Variants in ARHGAP10 observed in about 807,000 individuals in gnomAD.
ARHGAP10 encodes the protein rho GTPase-activating protein 10.
A neutral mutation model predicts 108.6 loss-of-function variants in ARHGAP10; 87 were observed. That is an observed-to-expected ratio of 0.80 (90% confidence interval 0.67 to 0.96). The LOEUF (loss-of-function observed/expected upper bound fraction) is 0.96. ARHGAP10 is among the 40% of genes least tolerant of loss of function. ARHGAP10 has a pLI of 0.00. For synonymous variants in ARHGAP10, 347 were observed against 341.1 expected (o/e 1.02, Z -0.19); for missense variants, 939 against 954.5 (o/e 0.98, Z 0.21).
chr4:148,019,703 C>T (rs1434215483), intron 18 of ARHGAP10, among the ~76,000 whole-genome samples: 3 of 151,304 alleles, frequency 2.0e-5, no homozygotes, highest in Middle Eastern at 3.4e-3. Flanking sequence ...TTAGCCAAGC[C>T]GAGCTGAGCC....
intron 22 of ARHGAP10, among the ~76,000 whole-genome samples, chr4:148,070,165 T>C (rs1212252566): frequency 6.6e-6 from 1 of 152,158 alleles, no homozygotes; most frequent in Non-Finnish European, 1.5e-5. Context: ...GTCTCTCCTA[T>C]ATATACACGT....
chr4:148,058,328 C>T (rs114410404), intron 20 of ARHGAP10, among the ~76,000 whole-genome samples: 163 of 152,256 alleles, frequency 1.1e-3, no homozygotes, highest in Non-Finnish European at 1.6e-3. Flanking sequence ...ATTGTATAAC[C>T]GTAGTGAAAT....
intron 16 of ARHGAP10, among the ~76,000 whole-genome samples, chr4:147,964,035 C>G (rs1327082176): frequency 6.6e-6 from 1 of 152,210 alleles, no homozygotes; most frequent in Non-Finnish European, 1.5e-5. Flanking sequence ...CCTTTTTATT[C>G]TGATGTTTTG....
chr4:147,757,843 TTCCCTGGGATCTGGTGCCCA>T (rs1287520506), intron 1 of ARHGAP10, among the ~76,000 whole-genome samples: 1 of 152,170 alleles, frequency 6.6e-6, no homozygotes, highest in Non-Finnish European at 1.5e-5. Flanking sequence ...GTCTGTTCCC[TTCCCTGGGATCTGGTGCCCA>T]TCCCTGTCCA....
intron 3 of ARHGAP10, among the ~76,000 whole-genome samples, chr4:147,839,703 G>C (rs1733334352): frequency 6.6e-6 from 1 of 152,158 alleles, no homozygotes; most frequent in Non-Finnish European, 1.5e-5. Flanking sequence ...TGTTGGAGTG[G>C]TTCCTCCCCA....
chr4:148,028,358 G>A (rs1727978071), intron 19 of ARHGAP10, among the ~76,000 whole-genome samples: 1 of 152,144 alleles, frequency 6.6e-6, no homozygotes, highest in African/African-American at 2.4e-5. Flanking sequence ...ACAAATGGGT[G>A]GATTGGAGCC....
At chr4:147,876,092 C>T (rs1039700692) in intron 8 of ARHGAP10, among the ~76,000 whole-genome samples, 4 of 152,194 alleles carry the variant, frequency 2.6e-5, no homozygotes, top group African/African-American at 9.7e-5. Flanking sequence ...GGAACGGTTA[C>T]AGGGTATCTG....
At chr4:147,800,629 T>C (rs1731542894) in intron 1 of ARHGAP10, among the ~76,000 whole-genome samples, 1 of 152,192 alleles carries the variant, frequency 6.6e-6, no homozygotes, top group Non-Finnish European at 1.5e-5. Context: ...GGATGCAAGA[T>C]ACTGTTTCAC....
At chr4:148,028,301 G>A (rs1727976020) in intron 19 of ARHGAP10, among the ~76,000 whole-genome samples, 1 of 152,112 alleles carries the variant, frequency 6.6e-6, no homozygotes, top group African/African-American at 2.4e-5. Flanking sequence ...TGAATGATGG[G>A]CGGAACTGAT....
At chr4:147,985,900 A>G (rs1165554845) in intron 18 of ARHGAP10, among the ~76,000 whole-genome samples, 3 of 152,168 alleles carry the variant, frequency 2.0e-5, no homozygotes, top group Non-Finnish European at 4.4e-5. Context: ...TCTGCCTCTT[A>G]TGTATTGAGG....
chr4:147,984,526 C>T (rs964228152), intron 18 of ARHGAP10, among the ~76,000 whole-genome samples: 2 of 152,170 alleles, frequency 1.3e-5, no homozygotes, highest in Admixed American at 1.3e-4. Context: ...GTGGGAGGAC[C>T]ACACCAAGAG....
In ARHGAP10 at chr4:147,849,012, G is replaced by A. The variant is rs1560788878; in HGVS notation, c.384+1790G>A. Among the ~76,000 whole-genome samples, 3 of 152,166 alleles carry A rather than the reference G, an allele frequency of 2.0e-5. No homozygotes were observed. In the South Asian group the frequency reaches 6.2e-4, roughly 32 times the overall value. ...CAAGTTTATAAAGAGTTTATGTTAT[G>A]TGCAGTCTTGCTCAGTACAGTATGT... is the stretch of plus-strand genomic sequence containing the variant. On this transcript the variant is annotated intron_variant, in intron 4 of 22. Transcript: ENST00000336498.
intron 19 of ARHGAP10, among the ~76,000 whole-genome samples, chr4:148,030,622 T>G (rs1728103863): frequency 6.6e-6 from 1 of 152,202 alleles, no homozygotes; most frequent in African/African-American, 2.4e-5. Context: ...AAAGCCAACC[T>G]GTGGCCAGTT....
In ARHGAP10 at chr4:147,899,465, G is replaced by T. The variant is rs1717917016; in HGVS notation, c.1035-7173G>T. 5.3e-5 allele frequency among the ~76,000 whole-genome samples: 8 copies of T among 152,028 alleles called. No homozygotes were observed. The South Asian group carries it at 1.7e-3, about 32-fold the overall frequency. Reference sequence around the variant, plus strand: ...TTAAATGAGTTTTTGAAAAACAATGGTTTCATAGGTTCTCCGTCTTGTTCT... The same window carrying T: ...TTAAATGAGTTTTTGAAAAACAATGTTTTCATAGGTTCTCCGTCTTGTTCT... On this transcript the variant is annotated intron_variant, in intron 10 of 22. Coordinates refer to ENST00000336498, the MANE Select transcript of ARHGAP10 (RefSeq NM_024605.4).
chr4:147,760,344 A>G (rs1729541148), intron 1 of ARHGAP10, among the ~76,000 whole-genome samples: 1 of 152,196 alleles, frequency 6.6e-6, no homozygotes, highest in African/African-American at 2.4e-5. Context: ...ACAGATGACT[A>G]TGTCAATATC....
intron 18 of ARHGAP10, among the ~76,000 whole-genome samples, chr4:147,968,267 C>T (rs1739278120): frequency 6.6e-6 from 1 of 152,144 alleles, no homozygotes; most frequent in South Asian, 2.1e-4. Flanking sequence ...TGTCTCAAGC[C>T]CCCTCAAAGT....
chr4:147,969,914 A>G (rs1472444703), intron 18 of ARHGAP10, among the ~76,000 whole-genome samples: 3 of 152,068 alleles, frequency 2.0e-5, no homozygotes, highest in Non-Finnish European at 4.4e-5. Context: ...TTCAGAAGGG[A>G]GCAATGGACA....
intron 1 of ARHGAP10, among the ~76,000 whole-genome samples, chr4:147,761,034 T>G (rs1057459921): frequency 4.0e-5 from 6 of 149,476 alleles, no homozygotes; most frequent in African/African-American, 1.0e-4. Flanking sequence ...TTTTTTTTTT[T>G]GACACAGAGT....
intron 7 of ARHGAP10, among the ~76,000 whole-genome samples, chr4:147,867,504 G>A (rs1435959618): frequency 1.3e-5 from 2 of 152,190 alleles, no homozygotes; most frequent in Non-Finnish European, 2.9e-5. Context: ...AGCACATAGT[G>A]AAAGACACAC....
Sources: gnomAD v4.1 joint callset for allele counts (sites outside exome capture counted in the v4.1 genomes callset) on GRCh38, gnomAD v4.1.1 for gene constraint, MANE v1.5 for transcripts, NCBI Gene and HGNC (gene_info 2026-07-23, HGNC 2026-07-21) for gene names.